CADM2: variants seen among roughly 807,000 people sequenced by gnomAD.
CADM2 encodes cell adhesion molecule 2.
CADM2 carries 12 observed loss-of-function variants against 49.8 expected under a neutral mutation model. The ratio of observed to expected loss-of-function variants is 0.24; its 90% CI spans 0.15 to 0.39. The LOEUF is 0.39. Among genes scored for constraint, CADM2 ranks in the 10% least tolerant of loss-of-function variants. The pLI, the probability that CADM2 is intolerant of heterozygous loss-of-function variation, is 1.00. For synonymous variants in CADM2, 214 were observed against 175.4 expected (o/e 1.22, Z -1.74); for missense variants, 378 against 492.3 (o/e 0.77, Z 2.20).
intron 1 of CADM2, among the ~76,000 whole-genome samples, chr3:85,190,652 A>G (rs1451031646): frequency 6.6e-6 from 1 of 152,174 alleles, no homozygotes; most frequent in Non-Finnish European, 1.5e-5. Flanking sequence ...TTTAGAGGTG[A>G]CAGATAATAA....
At chr3:85,138,021 A>T (rs898966735) in intron 1 of CADM2, among the ~76,000 whole-genome samples, 30 of 152,250 alleles carry the variant, frequency 2.0e-4, no homozygotes, top group African/African-American at 6.5e-4. Context: ...AATGCTTTCT[A>T]TGTTGACCTC....
intron 1 of CADM2, among the ~76,000 whole-genome samples, chr3:85,040,903 G>A (rs1302967670): frequency 6.6e-6 from 1 of 151,970 alleles, no homozygotes; most frequent in Non-Finnish European, 1.5e-5. Context: ...TAATATTACA[G>A]GAGTTTGGCA....
intron 8 of CADM2, among the ~76,000 whole-genome samples, chr3:85,972,993 AT>A (rs1205645414): frequency 6.6e-6 from 1 of 151,770 alleles, no homozygotes; most frequent in Non-Finnish European, 1.5e-5. Flanking sequence ...ATATAGAACT[AT>A]TCTGTATGCT....
intron 6 of CADM2, among the ~76,000 whole-genome samples, chr3:85,921,119 C>T (rs575810667): frequency 2.0e-5 from 3 of 151,502 alleles, no homozygotes; most frequent in South Asian, 2.1e-4. Context: ...CATAAATGAC[C>T]GTGACAAGTA....
At chr3:85,441,074 C>A (rs2037180252) in intron 1 of CADM2, among the ~76,000 whole-genome samples, 1 of 151,908 alleles carries the variant, frequency 6.6e-6, no homozygotes, top group African/African-American at 2.4e-5. Flanking sequence ...TTTAAATATA[C>A]ATAAACACAT....
chr3:85,634,397 T>C (rs529805544), intron 1 of CADM2, among the ~76,000 whole-genome samples: 30 of 152,196 alleles, frequency 2.0e-4, no homozygotes, highest in Middle Eastern at 6.8e-3. Context: ...TTTTTAATTT[T>C]AAATATTTTT....
chr3:85,261,760 C>A (rs2043017876), intron 1 of CADM2, among the ~76,000 whole-genome samples: 1 of 152,070 alleles, frequency 6.6e-6, no homozygotes, highest in South Asian at 2.1e-4. Context: ...ATTTAACTTA[C>A]AGAGGACCAT....
At chr3:85,415,962 C>T (rs1179254157) in intron 1 of CADM2, among the ~76,000 whole-genome samples, 1 of 152,126 alleles carries the variant, frequency 6.6e-6, no homozygotes. Context: ...GATTAAGCAA[C>T]ATCATAGTAA....
At chr3:86,039,654 G>A (rs556782205) in intron 8 of CADM2, among the ~76,000 whole-genome samples, 100 of 152,242 alleles carry the variant, frequency 6.6e-4, no homozygotes, top group African/African-American at 2.2e-3. Flanking sequence ...TCCACCTCTG[G>A]GGGGAGGGCA....
At chr3:85,470,694 A>G (rs1393488059) in intron 1 of CADM2, among the ~76,000 whole-genome samples, 1 of 152,178 alleles carries the variant, frequency 6.6e-6, no homozygotes, top group Non-Finnish European at 1.5e-5. Flanking sequence ...TATTTAAGGA[A>G]TGTGTTGCTG....
intron 1 of CADM2, among the ~76,000 whole-genome samples, chr3:85,634,347 G>C (rs1576982361): frequency 6.6e-6 from 1 of 151,968 alleles, no homozygotes; most frequent in Non-Finnish European, 1.5e-5. Flanking sequence ...TTAGTGGACT[G>C]AAGTATCTAC....
At chr3:85,172,973 C>T (rs1452120) in intron 1 of CADM2, among the ~76,000 whole-genome samples, 97,652 of 145,064 alleles carry the variant, frequency 0.67, 33,527 homozygotes, top group African/African-American at 0.8. Context: ...ATATATGTTT[C>T]CCAATTTCTG....
At chr3:85,582,247 G>C (rs1267679249) in intron 1 of CADM2, among the ~76,000 whole-genome samples, 1 of 152,006 alleles carries the variant, frequency 6.6e-6, no homozygotes, top group Non-Finnish European at 1.5e-5. Flanking sequence ...TCTAATAATA[G>C]AGTCACTCTA....
chr3:85,405,193 T>C (rs2035311380), intron 1 of CADM2, among the ~76,000 whole-genome samples: 1 of 152,156 alleles, frequency 6.6e-6, no homozygotes, highest in South Asian at 2.1e-4. Context: ...ATTTACATAT[T>C]ACTATACTTA....
intron 2 of CADM2, among the ~76,000 whole-genome samples, chr3:85,791,506 G>A (rs983651428): frequency 2.0e-5 from 3 of 149,866 alleles, no homozygotes; most frequent in South Asian, 2.2e-4. Flanking sequence ...AGATGACGGA[G>A]AGAGGGGTGG....
chr3:85,344,128 A>G (rs1274131423), intron 1 of CADM2, among the ~76,000 whole-genome samples: 1 of 151,974 alleles, frequency 6.6e-6, no homozygotes, highest in African/African-American at 2.4e-5. Context: ...GTAATCCCAG[A>G]ACTTTGGGGG....
At chr3:85,769,630 TATACACATATATACATATATACATATATA>T (rs2069961032) in intron 2 of CADM2, among the ~76,000 whole-genome samples, 3 of 141,778 alleles carry the variant, frequency 2.1e-5, no homozygotes, top group Non-Finnish European at 4.5e-5. Flanking sequence ...ATAGTATATA[TATACACATATATACATATATACATATATA>T]GTATATATAT....
intron 1 of CADM2, among the ~76,000 whole-genome samples, chr3:85,254,553 A>G (rs2042843554): frequency 6.6e-6 from 1 of 152,084 alleles, no homozygotes; most frequent in Non-Finnish European, 1.5e-5. Flanking sequence ...CAGGAATCTC[A>G]TTAGCCTACA....
intron 1 of CADM2, among the ~76,000 whole-genome samples, chr3:85,718,438 T>G (rs1194114885): frequency 1.3e-5 from 2 of 152,186 alleles, no homozygotes; most frequent in African/African-American, 4.8e-5. Context: ...GAGTCACTTT[T>G]AGAGGCATGA....
Sources: allele counts gnomAD v4.1 joint callset (sites outside exome capture counted in the v4.1 genomes callset), GRCh38; gene constraint gnomAD v4.1.1; transcripts MANE v1.5; gene names NCBI Gene and HGNC (gene_info 2026-07-23, HGNC 2026-07-21).